ME3: variants seen among roughly 807,000 people sequenced by gnomAD.
The protein encoded by ME3 is malic enzyme 3.
ME3 carries 48 observed loss-of-function variants against 68.9 expected under a neutral mutation model. The ratio of observed to expected loss-of-function variants is 0.70; its 90% CI spans 0.55 to 0.89. The LOEUF (loss-of-function observed/expected upper bound fraction) is 0.89, where lower values mean the gene tolerates loss of function less well. Ranked by LOEUF, ME3 falls within the 40% of genes least tolerant of loss-of-function variation. The pLI is 0.00. For missense variants in ME3, 675 were observed against 797.4 expected, an observed-to-expected ratio of 0.85 and a Z score of 1.85; for synonymous variants, 320 against 318.8, an observed-to-expected ratio of 1.00 and a Z score of -0.04.
At chr11:86,592,115 G>T (rs1417267701) in intron 2 of ME3, among the ~76,000 whole-genome samples, 1 of 152,192 alleles carries the variant, frequency 6.6e-6, no homozygotes, top group Non-Finnish European at 1.5e-5. Context: ...CACATTCTTT[G>T]TTCTAATTGT....
intron 7 of ME3, among the ~76,000 whole-genome samples, chr11:86,474,966 C>T (rs1320931454): frequency 1.3e-5 from 2 of 152,246 alleles, no homozygotes; most frequent in Admixed American, 1.3e-4. Context: ...TGGATGAATA[C>T]ATGAATAAAT....
At chr11:86,585,986 C>G (rs1958709830) in intron 2 of ME3, among the ~76,000 whole-genome samples, 1 of 152,150 alleles carries the variant, frequency 6.6e-6, no homozygotes, top group Non-Finnish European at 1.5e-5. Flanking sequence ...AAACGATCTA[C>G]TGGATTTGGA....
chr11:86,436,983 G>C (rs146151783), downstream of ME3: 1 of 152,188 alleles, frequency 6.6e-6, no homozygotes, highest in African/African-American at 2.4e-5. Context: ...TGGATATGTT[G>C]CATAGTGGTG....
In ME3 at chr11:86,498,141, C is replaced by T. The variant is rs776711037; in HGVS notation, c.544-17G>A. On this transcript the variant is annotated splice_polypyrimidine_tract_variant and intron_variant, in intron 5 of 14. Transcript: ENST00000543262. Reference sequence around the variant, plus strand: ...CACCACGGCCTGAAAAACAGCAGGGCACCATCAATCAGGGACAGCACTTCC... The same window carrying T: ...CACCACGGCCTGAAAAACAGCAGGGTACCATCAATCAGGGACAGCACTTCC... 1.2e-6 allele frequency: 2 copies of T among 1,601,772 alleles called. No individual in the cohort carries two copies. The highest frequency in any genetic ancestry group is 2.2e-5 in the South Asian group (2 of 89,102).
chr11:86,504,713 G>C (rs1268728554), intron 5 of ME3, among the ~76,000 whole-genome samples: 1 of 151,102 alleles, frequency 6.6e-6, no homozygotes, highest in Non-Finnish European at 1.5e-5. Flanking sequence ...TTTCGTTTTT[G>C]AGACAGAGTC....
chr11:86,471,439 C>T (rs1399523864), intron 7 of ME3, among the ~76,000 whole-genome samples: 1 of 151,852 alleles, frequency 6.6e-6, no homozygotes, highest in Non-Finnish European at 1.5e-5. Flanking sequence ...AAACTGTAAC[C>T]TCTTTTAAGA....
chr11:86,603,910 A>G (rs1486541470), intron 2 of ME3, among the ~76,000 whole-genome samples: 2 of 129,504 alleles, frequency 1.5e-5, no homozygotes, highest in Admixed American at 1.8e-4. Context: ...ACACATGGAC[A>G]CAGGAAGGGG....
intron 2 of ME3, among the ~76,000 whole-genome samples, chr11:86,637,967 T>TAC (rs5793205): frequency 0.15 from 21,525 of 145,022 alleles, 1,708 homozygotes; most frequent in African/African-American, 0.23. Flanking sequence ...TGCTCATGCA[T>TAC]ACACACACAC....
chr11:86,626,611 C>T (rs1226750675), intron 2 of ME3, among the ~76,000 whole-genome samples: 1 of 152,146 alleles, frequency 6.6e-6, no homozygotes, highest in African/African-American at 2.4e-5. Context: ...CCTGTGATAC[C>T]TTAGAGCAGA....
chr11:86,599,196 A>G (rs1202819527), intron 2 of ME3, among the ~76,000 whole-genome samples: 4 of 152,240 alleles, frequency 2.6e-5, no homozygotes, highest in African/African-American at 9.6e-5. Flanking sequence ...GAAGTTGAAA[A>G]CATTGAAAAA....
intron 2 of ME3, among the ~76,000 whole-genome samples, chr11:86,638,515 A>T (rs1411279427): frequency 6.6e-6 from 1 of 152,236 alleles, no homozygotes; most frequent in Non-Finnish European, 1.5e-5. Flanking sequence ...TGCTCAAAAA[A>T]GGACGAAAAC....
chr11:86,516,919 C>T (rs934281001), intron 4 of ME3, among the ~76,000 whole-genome samples: 1 of 152,164 alleles, frequency 6.6e-6, no homozygotes, highest in Non-Finnish European at 1.5e-5. Context: ...GGCATGGCTT[C>T]TGCTGCATGG....
chr11:86,560,744 G>GTGTGTGTGTA (rs1465595094), intron 2 of ME3, among the ~76,000 whole-genome samples: 362 of 66,744 alleles, frequency 5.4e-3, no homozygotes, highest in Non-Finnish European at 8.3e-3. Flanking sequence ...GTGTGTGTGT[G>GTGTGTGTGTA]TGTGTATATA....
intron 8 of ME3, chr11:86,457,892 C>G (rs980463896): frequency 9.9e-7 from 1 of 1,012,498 alleles, no homozygotes; most frequent in African/African-American, 1.7e-5. Context: ...AATGTAGTTT[C>G]TGCTTTTAAT....
chr11:86,640,626 A>G (rs1459029147), intron 2 of ME3, among the ~76,000 whole-genome samples: 1 of 152,210 alleles, frequency 6.6e-6, no homozygotes, highest in Non-Finnish European at 1.5e-5. Context: ...TGCCCAATGG[A>G]TATTCAGCAG....
chr11:86,595,153 T>G (rs1032450589), intron 2 of ME3, among the ~76,000 whole-genome samples: 3 of 144,774 alleles, frequency 2.1e-5, no homozygotes, highest in Non-Finnish European at 4.5e-5. Flanking sequence ...GATAAGCATA[T>G]GTATGGAAAT....
chr11:86,520,373 T>C (rs1260713811), intron 4 of ME3, among the ~76,000 whole-genome samples: 1 of 152,216 alleles, frequency 6.6e-6, no homozygotes, highest in African/African-American at 2.4e-5. Flanking sequence ...TTGTGCTGAG[T>C]ACATGGAAAA....
chr11:86,462,647 A>G (rs1248698485), intron 8 of ME3: 2 of 1,253,990 alleles, frequency 1.6e-6, no homozygotes, highest in South Asian at 1.2e-5. Flanking sequence ...TTTATTAGGC[A>G]TCTATCATGT....
chr11:86,497,914 C>T, intron 6 of ME3, 49 bp downstream of exon 6: 1 of 1,535,296 alleles, frequency 6.5e-7, no homozygotes, highest in East Asian at 2.3e-5. Flanking sequence ...CACCCTGTCC[C>T]AGTTGCCACC....
Sources: allele counts gnomAD v4.1 joint callset (sites outside exome capture counted in the v4.1 genomes callset), GRCh38; gene constraint gnomAD v4.1.1; transcripts MANE v1.5; gene names NCBI Gene and HGNC (gene_info 2026-07-23, HGNC 2026-07-21).